Variants in CACNA1C observed in about 807,000 individuals in gnomAD.
CACNA1C encodes the protein calcium voltage-gated channel subunit alpha1 C, also known as voltage-dependent L-type calcium channel subunit alpha-1C.
A neutral mutation model predicts 229.0 loss-of-function variants in CACNA1C; 30 were observed. The ratio of observed to expected loss-of-function variants is 0.13; its 90% CI spans 0.10 to 0.18. The LOEUF (loss-of-function observed/expected upper bound fraction) is 0.18. CACNA1C is among the 10% of genes least tolerant of loss of function. CACNA1C has a pLI of 1.00. For synonymous variants in CACNA1C, 1,114 were observed against 1,132.5 expected (o/e 0.98, Z 0.33); for missense variants, 1,658 against 2,845.0 (o/e 0.58, Z 9.49).
rs1450613404 is a variant in CACNA1C, at chr12:2,410,302, C to T, written c.478-38674C>T. ...CAGCCCCACCACCCATTTTTGGAAA[C>T]ACAACCCTGGCCTCCCATTCACAGC... On this transcript the variant is annotated intron_variant, in intron 3 of 46. Transcript: ENST00000399655. The surrounding 1 kb of genome is among the most constrained non-coding windows in gnomAD (Gnocchi z 5.3). Among the ~76,000 whole-genome samples the T allele has an allele frequency of 1.3e-5, 2 of 152,142 alleles. No homozygotes were observed. The highest frequency in any genetic ancestry group is 4.8e-5 in the African/African-American group (2 of 41,428).
intron 3 of CACNA1C, among the ~76,000 whole-genome samples, chr12:2,231,227 A>C (rs1469402128): frequency 1.3e-5 from 2 of 152,206 alleles, no homozygotes; most frequent in Non-Finnish European, 2.9e-5. Flanking sequence ...GTCCATGTGC[A>C]ATCCATTTTT....
chr12:2,195,577 T>C (rs1363988207), intron 3 of CACNA1C, among the ~76,000 whole-genome samples: 1 of 152,228 alleles, frequency 6.6e-6, no homozygotes, highest in Non-Finnish European at 1.5e-5. Context: ...CTTCTGATGT[T>C]GGACAAACTG....
chr12:2,212,859 C>T (rs1293781240), intron 3 of CACNA1C, among the ~76,000 whole-genome samples: 3 of 152,152 alleles, frequency 2.0e-5, no homozygotes, highest in Admixed American at 2.0e-4. Context: ...CAGAACTGGA[C>T]ACCATGCATT....
At chr12:2,022,619 T>C (rs2046656982) in intron 1 of CACNA1C, among the ~76,000 whole-genome samples, 1 of 151,752 alleles carries the variant, frequency 6.6e-6, no homozygotes, top group South Asian at 2.1e-4. Context: ...AATTTTTGTA[T>C]TTTTTGTAGA....
rs1484817270 is a variant in CACNA1C, at chr12:2,696,135, G to T, written c.*4936G>T. On this transcript the variant is annotated 3_prime_UTR_variant, in exon 47 of 47. Transcript: ENST00000399655. Reference sequence around the variant, plus strand: ...CTTTTTCCTGGGATGACTTTAAGAGGTTTGAGCCACAGCACCTGAAGTGGC... The same window carrying T: ...CTTTTTCCTGGGATGACTTTAAGAGTTTTGAGCCACAGCACCTGAAGTGGC... 6.6e-6 allele frequency: 1 copy of T among 152,154 alleles called. No homozygotes were observed. Among genetic ancestry groups the T allele is most frequent in the African/African-American group, 2.4e-5 (1 of 41,426 alleles). The allele number at this position is 152,154 out of a possible 1,614,324, so 9.4% of individuals were successfully genotyped here.
At chr12:2,232,235 T>G (rs912985858) in intron 3 of CACNA1C, among the ~76,000 whole-genome samples, 23 of 132,812 alleles carry the variant, frequency 1.7e-4, no homozygotes, top group Non-Finnish European at 2.6e-4. Flanking sequence ...TTGTTTTTTT[T>G]TTTTTTTTTT....
intron 29 of CACNA1C, among the ~76,000 whole-genome samples, chr12:2,615,885 G>A (rs555041008): frequency 1.3e-5 from 2 of 152,342 alleles, no homozygotes; most frequent in East Asian, 1.9e-4. Context: ...CCTCCTCAGT[G>A]GAATGTGGTA....
chr12:2,103,504 A>T (rs1314326393), intron 1 of CACNA1C, among the ~76,000 whole-genome samples: 1 of 151,944 alleles, frequency 6.6e-6, no homozygotes, highest in African/African-American at 2.4e-5. Context: ...AGATTGTAAA[A>T]ATTTTCTTCC....
At chr12:2,336,590 G>C (rs572197526) in intron 3 of CACNA1C, among the ~76,000 whole-genome samples, 1 of 152,334 alleles carries the variant, frequency 6.6e-6, no homozygotes, top group East Asian at 1.9e-4. Flanking sequence ...TGTGCTTAGT[G>C]AAACACGCAA....
intron 1 of CACNA1C, among the ~76,000 whole-genome samples, chr12:2,097,038 T>C (rs2074307897): frequency 6.6e-6 from 1 of 152,266 alleles, no homozygotes; most frequent in Non-Finnish European, 1.5e-5. Context: ...GCTATGGACA[T>C]GGGTGTACAA....
chr12:2,244,192 C>T (rs1470285693), intron 3 of CACNA1C, among the ~76,000 whole-genome samples: 1 of 152,246 alleles, frequency 6.6e-6, no homozygotes, highest in African/African-American at 2.4e-5. Flanking sequence ...TAGCCACTTG[C>T]TCCAAGAGTC....
At chr12:1,996,836 C>A (rs1410692086) in intron 1 of CACNA1C, among the ~76,000 whole-genome samples, 1 of 151,972 alleles carries the variant, frequency 6.6e-6, no homozygotes, top group Non-Finnish European at 1.5e-5. Flanking sequence ...GATACTCTAT[C>A]CTGTATTGTG....
intron 3 of CACNA1C, among the ~76,000 whole-genome samples, chr12:2,163,934 G>A (rs1215546751): frequency 6.6e-6 from 1 of 152,208 alleles, no homozygotes; most frequent in South Asian, 2.1e-4. Flanking sequence ...TTCCCGTGTG[G>A]AGTAGATACC....
chr12:2,024,508 A>G (rs1204573299), intron 1 of CACNA1C, among the ~76,000 whole-genome samples: 1 of 152,034 alleles, frequency 6.6e-6, no homozygotes, highest in African/African-American at 2.4e-5. Context: ...ATGGCCCATG[A>G]TGGCTTCCCA....
At chr12:2,139,753 A>G (rs2093954124) in intron 3 of CACNA1C, among the ~76,000 whole-genome samples, 1 of 151,208 alleles carries the variant, frequency 6.6e-6, no homozygotes, top group Non-Finnish European at 1.5e-5. Context: ...ATGCCTCCTC[A>G]TTCTCTGCCT....
intron 9 of CACNA1C, among the ~76,000 whole-genome samples, chr12:2,542,611 A>G (rs975503293): frequency 3.3e-5 from 5 of 152,168 alleles, no homozygotes; most frequent in Non-Finnish European, 5.9e-5. Flanking sequence ...AATCTACACA[A>G]TGGCTTAGCT....
rs1382948025 is a variant in CACNA1C at position 2,504,723 on chromosome 12, C to T, written c.1114-119C>T. 1.3e-6 allele frequency: 1 copy of T among 764,238 alleles called. No individual in the cohort carries two copies. The allele number at this position is 764,238 out of a possible 1,614,324, so 47.3% of individuals were successfully genotyped here. A position where few individuals can be genotyped will look rare whatever the true frequency, so the allele number is the denominator to read the frequency against. ...GGCAGGCTGTTTGGCCTCTGATTTG[C>T]ACCTAGAGGGTCCCCGGATCCTGGC... On this transcript the variant is annotated intron_variant, in intron 7 of 46. Coordinates refer to ENST00000399655, the MANE Select transcript of CACNA1C (RefSeq NM_000719.7). This position sits in a 1 kb window ranked among gnomAD's most constrained non-coding sequence, Gnocchi z 6.8.
At chr12:2,409,743 C>T (rs2098784866) in intron 3 of CACNA1C, among the ~76,000 whole-genome samples, 1 of 152,208 alleles carries the variant, frequency 6.6e-6, no homozygotes, top group African/African-American at 2.4e-5. Flanking sequence ...CTGCAGTGTT[C>T]ACCCTAGCAA....
intron 9 of CACNA1C, among the ~76,000 whole-genome samples, chr12:2,545,546 C>T (rs1469136880): frequency 6.6e-6 from 1 of 152,122 alleles, no homozygotes; most frequent in Non-Finnish European, 1.5e-5. Context: ...TGCTTTATGA[C>T]CCAAATCGCT....
Sources: allele counts gnomAD v4.1 joint callset (sites outside exome capture counted in the v4.1 genomes callset), GRCh38; gene constraint gnomAD v4.1.1; non-coding constraint Gnocchi (gnomAD v3.1); transcripts MANE v1.5; gene names NCBI Gene and HGNC (gene_info 2026-07-23, HGNC 2026-07-21).